CDH23: variants seen among roughly 807,000 people sequenced by gnomAD.
The protein encoded by CDH23 is cadherin related 23, also known as cadherin-23.
Under a neutral mutation model 317.1 loss-of-function variants are expected in CDH23, and 189 were observed. The observed-to-expected ratio is 0.60, with a 90% CI of 0.53 to 0.67. CDH23 has a LOEUF of 0.67. CDH23 is among the 30% of genes least tolerant of loss of function. The pLI is 0.00. For synonymous variants in CDH23, 1,839 were observed against 1,876.8 expected, an observed-to-expected ratio of 0.98 and a Z score of 0.52; for missense variants, 4,401 against 4,592.4, an observed-to-expected ratio of 0.96 and a Z score of 1.20.
In CDH23 at chr10:71,566,923, C is replaced by T. The variant is rs751032178; in HGVS notation, c.611C>T (p.Thr204Met). ...GAGACCACACAGGCCTACCAGCTCACGGTCAACGCCACAGTGAGTCTCCAT... is the reference window on the plus strand; with the variant it reads ...GAGACCACACAGGCCTACCAGCTCATGGTCAACGCCACAGTGAGTCTCCAT... The part of the protein sequence containing the change: ...DYETTQAYQL[T>M]VNATDQDKTR... The change falls in exon 7 of 70, where the codon ACG becomes ATG. Residue 204 changes from threonine to methionine, a missense_variant. Coordinates refer to ENST00000224721, the MANE Select transcript of CDH23 (RefSeq NM_022124.6). 8.7e-6 allele frequency: 14 copies of T among 1,612,406 alleles called. No homozygotes were observed. The highest frequency in any genetic ancestry group is 4.5e-5 in the East Asian group (2 of 44,894).
intron 6 of CDH23, among the ~76,000 whole-genome samples, chr10:71,530,146 A>G (rs1054118269): frequency 6.6e-6 from 1 of 151,994 alleles, no homozygotes; most frequent in Non-Finnish European, 1.5e-5. Context: ...CCATTAATAT[A>G]TGCTTCAGCA....
At chr10:71,539,331 G>GGC (rs1398143740) in intron 6 of CDH23, among the ~76,000 whole-genome samples, 1 of 152,100 alleles carries the variant, frequency 6.6e-6, no homozygotes, top group Non-Finnish European at 1.5e-5. Flanking sequence ...CCTATAGCCT[G>GGC]GCACTCCAGG....
intron 38 of CDH23, among the ~76,000 whole-genome samples, chr10:71,754,769 A>T (rs1051158487): frequency 6.6e-6 from 1 of 152,172 alleles, no homozygotes; most frequent in Non-Finnish European, 1.5e-5. Flanking sequence ...CATTTTTATT[A>T]TATGGTGGAC....
intron 41 of CDH23, among the ~76,000 whole-genome samples, chr10:71,782,585 A>G (rs9415049): frequency 0.52 from 78,578 of 152,058 alleles, 20,709 homozygotes; most frequent in Middle Eastern, 0.71. Flanking sequence ...TGCCAAGGAG[A>G]AGAATTTGCA....
chr10:71,763,314 ATTT>A lies in CDH23; in HGVS notation c.4846-14363_4846-14361del, dbSNP rs546155265. On this transcript the variant is annotated intron_variant, in intron 38 of 69. Coordinates refer to ENST00000224721, the MANE Select transcript of CDH23 (RefSeq NM_022124.6). ...TGACCCACTACGCCCGGCCAGTGGT[ATTT>A]TTATTTTAAATGGCATGTCAGGCTG... Among the ~76,000 whole-genome samples, 7 of 152,280 alleles carry A rather than the reference ATTT, an allele frequency of 4.6e-5. No individual in the cohort carries two copies. In the South Asian group the frequency reaches 8.3e-4, roughly 18 times the overall value.
At chr10:71,752,640 C>T (rs1027878703) in intron 38 of CDH23, among the ~76,000 whole-genome samples, 5 of 152,336 alleles carry the variant, frequency 3.3e-5, no homozygotes, top group African/African-American at 1.2e-4. Context: ...AGCTCAAGGG[C>T]TGTGGCTGGG....
chr10:71,636,790 C>A (rs1862297230), intron 11 of CDH23, among the ~76,000 whole-genome samples: 1 of 152,178 alleles, frequency 6.6e-6, no homozygotes. Flanking sequence ...AAGAGGTGCT[C>A]CACTCCCACA....
intron 14 of CDH23, among the ~76,000 whole-genome samples, chr10:71,651,392 C>A (rs2121543): frequency 6.8e-6 from 1 of 147,694 alleles, no homozygotes; most frequent in Non-Finnish European, 1.5e-5. Context: ...AAAATGCCAG[C>A]TGTGGTGGCA....
intron 6 of CDH23, among the ~76,000 whole-genome samples, chr10:71,564,180 A>G (rs958161391): frequency 2.6e-5 from 4 of 152,182 alleles, no homozygotes; most frequent in African/African-American, 9.7e-5. Flanking sequence ...CCATAAAGCA[A>G]ATCTGCTTGC....
At chr10:71,553,675 C>T (rs146227527) in intron 6 of CDH23, among the ~76,000 whole-genome samples, 31 of 152,310 alleles carry the variant, frequency 2.0e-4, no homozygotes, top group African/African-American at 7.5e-4. Flanking sequence ...TGTTAGGCAC[C>T]GCTTCCCATA....
intron 1 of CDH23, among the ~76,000 whole-genome samples, chr10:71,398,360 G>T (rs1037168248): frequency 6.6e-6 from 1 of 151,856 alleles, no homozygotes; most frequent in Non-Finnish European, 1.5e-5. Context: ...CATTGACCTC[G>T]CCTTCCAGCC....
At chr10:71,708,183 G>A (rs996068467) in intron 26 of CDH23, among the ~76,000 whole-genome samples, 1 of 152,170 alleles carries the variant, frequency 6.6e-6, no homozygotes, top group Non-Finnish European at 1.5e-5. Flanking sequence ...AGCACTGGAG[G>A]TTTGGGGGTC....
chr10:71,803,308 G>C lies in CDH23; in HGVS notation c.7760G>C (p.Gly2587Ala). ...CTGACCGTGGTGGCCACAGATGGTGGAGAGCCCCCACTCTGGGGCACCACC... is the reference window on the plus strand; with the variant it reads ...CTGACCGTGGTGGCCACAGATGGTGCAGAGCCCCCACTCTGGGGCACCACC... ...FSLTVVATDG[G>A]EPPLWGTTML... The change falls in exon 55 of 70, where the codon GGA (glycine) becomes GCA (alanine). Residue 2587 changes from glycine (G) to alanine (A), a missense_variant. This residue lies in a region of CDH23 where 1,144 missense variants were observed against 1,138.2 expected (regional missense o/e 1.01). Coordinates refer to ENST00000224721, the MANE Select transcript of CDH23 (RefSeq NM_022124.6). 1 of 1,591,368 alleles carries C rather than the reference G, an allele frequency of 6.3e-7. No homozygotes were observed. The highest frequency in any genetic ancestry group is 2.3e-5 in the East Asian group (1 of 43,340).
At chr10:71,416,296 A>T (rs993479574) in intron 1 of CDH23, among the ~76,000 whole-genome samples, 2 of 152,206 alleles carry the variant, frequency 1.3e-5, no homozygotes, top group African/African-American at 4.8e-5. Context: ...AAGTGCTGGG[A>T]TTACAGGCAT....
At chr10:71,674,819 C>T (rs1469321231) in intron 14 of CDH23, among the ~76,000 whole-genome samples, 1 of 152,172 alleles carries the variant, frequency 6.6e-6, no homozygotes, top group Non-Finnish European at 1.5e-5. Context: ...AAAGCCAAAC[C>T]CCCATTAAAA....
Position 71,491,256 on chromosome 10 carries a change from G to A in CDH23, c.146-18826G>A, listed in dbSNP as rs578190356. Among the ~76,000 whole-genome samples the A allele has an allele frequency of 1.1e-4, 16 of 152,248 alleles. No individual in the cohort carries two copies. The South Asian group carries it at 3.3e-3, about 32-fold the overall frequency. Reference sequence around the variant, plus strand: ...GGGTACTTTGATTACTTTGCAGTGTGGCTGCATCTTGCTTGAACCCCCTTA... The same window carrying A: ...GGGTACTTTGATTACTTTGCAGTGTAGCTGCATCTTGCTTGAACCCCCTTA... On this transcript the variant is annotated intron_variant, in intron 3 of 69. Transcript: ENST00000224721.
chr10:71,770,693 C>T lies in CDH23; in HGVS notation c.4846-6987C>T, dbSNP rs535297685. ...CTTTCATCTGCTCAGGCCTAACACCCCATACACTGTGTGCGGATAGGGAGG... is the reference window on the plus strand; with the variant it reads ...CTTTCATCTGCTCAGGCCTAACACCTCATACACTGTGTGCGGATAGGGAGG... On this transcript the variant is annotated intron_variant, in intron 38 of 69. Transcript: ENST00000224721. Among the ~76,000 whole-genome samples, 144 of 152,328 alleles carry T rather than the reference C, an allele frequency of 9.5e-4. 1 individual carries two copies. Among genetic ancestry groups the T allele is most frequent in the African/African-American group, 3.3e-3 (137 of 41,580 alleles).
intron 6 of CDH23, among the ~76,000 whole-genome samples, chr10:71,545,203 G>C (rs752707938): frequency 6.6e-6 from 1 of 152,212 alleles, no homozygotes; most frequent in African/African-American, 2.4e-5. Context: ...AAGAGGGAAA[G>C]AAGACTGCAG....
In CDH23 at chr10:71,731,428, C is replaced by T. The variant is rs140040447; in HGVS notation, c.3716-559C>T. 7.8e-4 allele frequency among the ~76,000 whole-genome samples: 119 copies of T among 152,306 alleles called. No individual in the cohort carries two copies. In the East Asian group the frequency reaches 0.019, roughly 24 times the overall value. On this transcript the variant is annotated intron_variant, in intron 31 of 69. Transcript: ENST00000224721. Reference sequence around the variant, plus strand: ...ATGTTAGGAGAGTTTAGGGCACATACGCGGCTGTGGCCCCTTGAGGTCTGT... The same window carrying T: ...ATGTTAGGAGAGTTTAGGGCACATATGCGGCTGTGGCCCCTTGAGGTCTGT...
Sources: gnomAD v4.1 joint callset for allele counts (sites outside exome capture counted in the v4.1 genomes callset) on GRCh38, gnomAD v4.1.1 for gene constraint, gnomAD v4.1.1 regional missense constraint, MANE v1.5 for transcripts, NCBI Gene and HGNC (gene_info 2026-07-23, HGNC 2026-07-21) for gene names.